KCNC1: variants seen among roughly 807,000 people sequenced by gnomAD.
KCNC1 encodes voltage-gated potassium channel KCNC1.
KCNC1 carries 8 observed loss-of-function variants against 43.4 expected under a neutral mutation model. That is an observed-to-expected ratio of 0.18 (90% CI 0.11 to 0.33). The LOEUF is 0.33. KCNC1 is among the 10% of genes least tolerant of loss of function. KCNC1 has a pLI of 1.00. For missense variants in KCNC1, 420 were observed against 836.0 expected, an observed-to-expected ratio of 0.50 and a Z score of 6.14; for synonymous variants, 361 against 360.5, an observed-to-expected ratio of 1.00 and a Z score of -0.01.
At chr11:17,775,737 C>T (rs1033324725) in intron 2 of KCNC1, 10 of 985,920 alleles carry the variant, frequency 1.0e-5, no homozygotes, top group Non-Finnish European at 1.2e-5. Flanking sequence ...TCCAGGGCTG[C>T]AGGGTCCCAC....
In KCNC1 at chr11:17,773,963, C is replaced by T. The variant is rs938560263; in HGVS notation, c.1504+1365C>T. The T allele has an allele frequency of 1.0e-6, 1 of 985,408 alleles. No individual in the cohort carries two copies. The highest frequency in any genetic ancestry group is 1.7e-5 in the African/African-American group (1 of 57,232). 61.0% of individuals were successfully genotyped at this position (985,408 alleles called of 1,614,324 possible). ...TCCCCCTGGTTTGGGTGGCCTCCCC[C>T]AGTGGATGATTGATTTTCTTCCCTG... On this transcript the variant is annotated intron_variant, in intron 2 of 3. Coordinates refer to ENST00000265969, the MANE Select transcript of KCNC1 (RefSeq NM_001112741.2). The surrounding 1 kb of genome is among the most constrained non-coding windows in gnomAD (Gnocchi z 4.1).
chr11:17,779,396 C>A lies in KCNC1; in HGVS notation c.1505-60C>A. Reference sequence around the variant, plus strand: ...CAATACCCCGCTTCTGGCCTGTCCCCCCCTGCCCCCCACTAAACAGTTTTC... The same window carrying A: ...CAATACCCCGCTTCTGGCCTGTCCCACCCTGCCCCCCACTAAACAGTTTTC... On this transcript the variant is annotated intron_variant, in intron 2 of 3. Coordinates refer to ENST00000265969, the MANE Select transcript of KCNC1 (RefSeq NM_001112741.2). This position sits in a 1 kb window ranked among gnomAD's most constrained non-coding sequence, Gnocchi z 7.2. 1 of 1,362,134 alleles carries A rather than the reference C, an allele frequency of 7.3e-7. No homozygotes were observed. The highest frequency in any genetic ancestry group is 1.7e-5 in the South Asian group (1 of 58,914). 84.4% of individuals were successfully genotyped at this position (1,362,134 alleles called of 1,614,324 possible).
rs747013406 is a variant in KCNC1, at chr11:17,773,437, C to T, written c.1504+839C>T. ...CCACCCTGGGCAGCTTAGATGAAAG[C>T]GCTACAGACCAGCAACAGCCTCCCA... On this transcript the variant is annotated intron_variant, in intron 2 of 3. Transcript: ENST00000265969. The surrounding 1 kb of genome is among the most constrained non-coding windows in gnomAD (Gnocchi z 4.1). 4.9e-4 allele frequency: 479 copies of T among 985,248 alleles called. 3 individuals carry two copies. The highest frequency in any genetic ancestry group is 2.1e-3 in the Middle Eastern group (4 of 1,914). 61.0% of individuals were successfully genotyped at this position (985,248 alleles called of 1,614,324 possible).
In KCNC1 at chr11:17,769,945, C is replaced by G. The variant is rs531215406; in HGVS notation, c.571-1720C>G. Among the ~76,000 whole-genome samples, 6 of 152,336 alleles carry G rather than the reference C, an allele frequency of 3.9e-5. No individual in the cohort carries two copies. The South Asian group carries it at 1.2e-3, about 32-fold the overall frequency. The stretch of plus-strand genomic sequence containing the variant: ...TCTCAGAACAGATCATATCTACAGG[C>G]TACTCTCACTCTGTCATTCTGAGAT... On this transcript the variant is annotated intron_variant, in intron 1 of 3. Transcript: ENST00000265969.
intron 1 of KCNC1, among the ~76,000 whole-genome samples, chr11:17,747,320 A>C (rs1294646559): frequency 1.3e-5 from 2 of 152,038 alleles, no homozygotes; most frequent in African/African-American, 4.8e-5. Flanking sequence ...CTCCATCCCC[A>C]GGTGTGGCAG....
chr11:17,777,997 C>G lies in KCNC1; in HGVS notation c.1505-1459C>G, dbSNP rs1056933632. 6.6e-6 allele frequency among the ~76,000 whole-genome samples: 1 copy of G among 152,092 alleles called. No homozygotes were observed. The highest frequency in any genetic ancestry group is 2.4e-5 in the African/African-American group (1 of 41,410). On this transcript the variant is annotated intron_variant, in intron 2 of 3. Coordinates refer to ENST00000265969, the MANE Select transcript of KCNC1 (RefSeq NM_001112741.2). The surrounding 1 kb of genome is among the most constrained non-coding windows in gnomAD (Gnocchi z 4.3). ...GGGTGGACATTGTCTCCAGCCTTTT[C>G]CCCCCACTCTACTCTTTCAGAGAGC... is the stretch of plus-strand genomic sequence containing the variant.
At position 17,776,398 on chromosome 11, in the gene KCNC1, G is replaced by C. The variant is rs976144717; in HGVS notation, c.1505-3058G>C. 4.1e-6 allele frequency: 4 copies of C among 985,252 alleles called. No homozygotes were observed. Among genetic ancestry groups the C allele is most frequent in the Non-Finnish European group, 3.6e-6 (3 of 829,944 alleles). 61.0% of individuals were successfully genotyped at this position (985,252 alleles called of 1,614,324 possible). On this transcript the variant is annotated intron_variant, in intron 2 of 3. Transcript: ENST00000265969. This position sits in a 1 kb window ranked among gnomAD's most constrained non-coding sequence, Gnocchi z 4.4. ...GCAACCCCCAACCCACCCCAGCCCC[G>C]CGTGCGCCCCTCCGGTGCCCGCAGC...
At position 17,742,165 on chromosome 11, in the gene KCNC1, C is replaced by G. The variant is rs1427720209; in HGVS notation, c.570+5593C>G. On this transcript the variant is annotated intron_variant, in intron 1 of 3. Transcript: ENST00000265969. This position sits in a 1 kb window ranked among gnomAD's most constrained non-coding sequence, Gnocchi z 4.2. ...GGTTAGCTGAGGGCTGGCTGGGAAA[C>G]TCGTATCTCCTGACTCCTGGCTCAC... Among the ~76,000 whole-genome samples, 1 of 152,232 alleles carries G rather than the reference C, an allele frequency of 6.6e-6. No homozygotes were observed. Among genetic ancestry groups the G allele is most frequent in the Non-Finnish European group, 1.5e-5 (1 of 68,044 alleles).
intron 2 of KCNC1, chr11:17,775,549 G>A (rs1849275892): frequency 8.1e-6 from 8 of 985,514 alleles, no homozygotes; most frequent in South Asian, 4.7e-5. Context: ...TAGGGCTGAG[G>A]GGCCCAGGAG....
Position 17,777,609 on chromosome 11 carries a change from C to T in KCNC1, c.1505-1847C>T, listed in dbSNP as rs1849300786. The T allele has an allele frequency of 1.0e-6, 1 of 985,754 alleles. No individual in the cohort carries two copies. Among genetic ancestry groups the T allele is most frequent in the Admixed American group, 6.1e-5 (1 of 16,272 alleles). 61.1% of individuals were successfully genotyped at this position (985,754 alleles called of 1,614,324 possible). A position where few individuals can be genotyped will look rare whatever the true frequency, so the allele number is the denominator to read the frequency against. On this transcript the variant is annotated intron_variant, in intron 2 of 3. Transcript: ENST00000265969. The surrounding 1 kb of genome is among the most constrained non-coding windows in gnomAD (Gnocchi z 4.3). ...GACATGCCCCAAGACCCCAGAGACG[C>T]CCCGGCCCCAGTCACATGGTGTCAG...
chr11:17,781,575 C>A lies in KCNC1; in HGVS notation c.1694-95C>A. ...CTGCCTGCCTCTGCATGCGGCTGTT[C>A]TGTCTTTCCTCCTCCTTCTTAAAAA... On this transcript the variant is annotated intron_variant, in intron 3 of 3. Transcript: ENST00000265969. The surrounding 1 kb of genome is among the most constrained non-coding windows in gnomAD (Gnocchi z 5.1). The A allele has an allele frequency of 1.1e-6, 1 of 888,074 alleles. No homozygotes were observed. Among genetic ancestry groups the A allele is most frequent in the Non-Finnish European group, 1.8e-6 (1 of 554,662 alleles). 55.0% of individuals were successfully genotyped at this position (888,074 alleles called of 1,614,324 possible). A position where few individuals can be genotyped will look rare whatever the true frequency, so the allele number is the denominator to read the frequency against.
At chr11:17,747,588 T>C (rs1848914500) in intron 1 of KCNC1, among the ~76,000 whole-genome samples, 1 of 152,072 alleles carries the variant, frequency 6.6e-6, no homozygotes, top group Admixed American at 6.5e-5. Context: ...CCATGGGCGG[T>C]GCCCACTCTG....
At position 17,773,364 on chromosome 11, in the gene KCNC1, C is replaced by T. The variant is rs1849252571; in HGVS notation, c.1504+766C>T. On this transcript the variant is annotated intron_variant, in intron 2 of 3. Transcript: ENST00000265969. This position sits in a 1 kb window ranked among gnomAD's most constrained non-coding sequence, Gnocchi z 4.1. ...GGGTTGATGGTCGAGTGGGAGTTTC[C>T]GGTGACCCGATGGAAGCGGCTGCCG... The T allele has an allele frequency of 1.2e-5, 12 of 985,280 alleles. No individual in the cohort carries two copies. The highest frequency in any genetic ancestry group is 1.2e-5 in the Non-Finnish European group (10 of 829,980). 61.0% of individuals were successfully genotyped at this position (985,280 alleles called of 1,614,324 possible). A position where few individuals can be genotyped will look rare whatever the true frequency, so the allele number is the denominator to read the frequency against.
Position 17,762,865 on chromosome 11 carries a change from C to G in KCNC1, c.571-8800C>G, listed in dbSNP as rs2133796866. On this transcript the variant is annotated intron_variant, in intron 1 of 3. Coordinates refer to ENST00000265969, the MANE Select transcript of KCNC1 (RefSeq NM_001112741.2). ...CAGCTTTTGCAACCTCCCCCGAGGA[C>G]CTCCTCCATCAGTGCTCTGGTCTTC... is the stretch of plus-strand genomic sequence containing the variant. Among the ~76,000 whole-genome samples the G allele has an allele frequency of 2.6e-5, 4 of 152,296 alleles. No individual in the cohort carries two copies. In the Middle Eastern group the frequency reaches 0.014, roughly 518 times the overall value.
chr11:17,767,438 G>A (rs147395212), intron 1 of KCNC1, among the ~76,000 whole-genome samples: 14 of 152,278 alleles, frequency 9.2e-5, no homozygotes, highest in East Asian at 1.9e-4. Flanking sequence ...ATATGGCCCC[G>A]TCTCACCAAG....
chr11:17,772,702 C>G, intron 2 of KCNC1, 104 bp downstream of exon 2: 3 of 1,531,704 alleles, frequency 2.0e-6, no homozygotes, highest in Non-Finnish European at 2.6e-6. Flanking sequence ...CGTGGGTGAC[C>G]CCGGACCCCG....
At position 17,777,701 on chromosome 11, in the gene KCNC1, G is replaced by A. The variant is rs1378712551; in HGVS notation, c.1505-1755G>A. On this transcript the variant is annotated intron_variant, in intron 2 of 3. Transcript: ENST00000265969. The surrounding 1 kb of genome is among the most constrained non-coding windows in gnomAD (Gnocchi z 4.3). ...GGAAGTGAAGCCCCTGGGATTTGTC[G>A]AGAAACGCACTGTACGTGAAATGCT... 1.0e-5 allele frequency: 10 copies of A among 985,826 alleles called. No homozygotes were observed. Among genetic ancestry groups the A allele is most frequent in the South Asian group, 9.4e-5 (2 of 21,294 alleles). The allele number at this position is 985,826 out of a possible 1,614,324, so 61.1% of individuals were successfully genotyped here.
chr11:17,770,291 G>A (rs575047191), intron 1 of KCNC1, among the ~76,000 whole-genome samples: 24 of 152,358 alleles, frequency 1.6e-4, no homozygotes, highest in African/African-American at 5.3e-4. Flanking sequence ...ACTGTAGCCC[G>A]GAGCTGCCTT....
intron 1 of KCNC1, among the ~76,000 whole-genome samples, chr11:17,738,913 T>G (rs1030593861): frequency 6.6e-6 from 1 of 152,182 alleles, no homozygotes; most frequent in African/African-American, 2.4e-5. Context: ...TGTTGTCCCT[T>G]CCAGCTCCCT....
Sources: gnomAD v4.1 joint callset for allele counts (sites outside exome capture counted in the v4.1 genomes callset) on GRCh38, gnomAD v4.1.1 for gene constraint, Gnocchi (gnomAD v3.1) non-coding constraint, MANE v1.5 for transcripts, NCBI Gene and HGNC (gene_info 2026-07-23, HGNC 2026-07-21) for gene names.